CTNNBL1: variants seen among roughly 807,000 people sequenced by gnomAD.
CTNNBL1 encodes beta-catenin-like protein 1.
In CTNNBL1, 31 loss-of-function variants were observed where a neutral mutation model predicts 72.7. The observed-to-expected ratio is 0.43, with a 90% CI of 0.32 to 0.58. The LOEUF is 0.58. Ranked by LOEUF, CTNNBL1 falls within the 20% of genes least tolerant of loss-of-function variation. The probability of loss-of-function intolerance (pLI) is 0.08; values close to 1 mark genes in which losing one functional copy is unlikely to be tolerated. For missense variants in CTNNBL1, 534 were observed against 725.1 expected (o/e 0.74, Z 3.03); for synonymous variants, 240 against 267.3 (o/e 0.90, Z 1.00).
intron 2 of CTNNBL1, among the ~76,000 whole-genome samples, chr20:37,736,382 GT>G (rs1354205927): frequency 2.0e-5 from 3 of 152,130 alleles, no homozygotes; most frequent in Non-Finnish European, 2.9e-5. Flanking sequence ...CTGACTCAGA[GT>G]TTGACCTTAA....
intron 13 of CTNNBL1, among the ~76,000 whole-genome samples, chr20:37,844,899 G>C (rs2072334700): frequency 6.6e-6 from 1 of 152,162 alleles, no homozygotes; most frequent in African/African-American, 2.4e-5. Flanking sequence ...AACAAGCCGA[G>C]ATTGTGCCAC....
At chr20:37,806,001 C>T (rs757034587) in intron 11 of CTNNBL1, among the ~76,000 whole-genome samples, 6 of 152,216 alleles carry the variant, frequency 3.9e-5, no homozygotes, top group South Asian at 2.1e-4. Context: ...GAAGTCAATA[C>T]AGTTGATTTC....
intron 7 of CTNNBL1, among the ~76,000 whole-genome samples, chr20:37,773,262 A>G (rs1453756603): frequency 2.6e-5 from 4 of 152,208 alleles, no homozygotes; most frequent in Non-Finnish European, 5.9e-5. Flanking sequence ...AGCTGTAGAT[A>G]TGTCTGAACC....
intron 7 of CTNNBL1, among the ~76,000 whole-genome samples, chr20:37,770,372 G>A (rs1349849542): frequency 3.9e-5 from 6 of 152,226 alleles, no homozygotes; most frequent in Non-Finnish European, 7.3e-5. Context: ...AGGGGATGGC[G>A]TAGATGTCAG....
intron 1 of CTNNBL1, among the ~76,000 whole-genome samples, chr20:37,709,483 C>T (rs1035659547): frequency 6.6e-6 from 1 of 152,180 alleles, no homozygotes; most frequent in Non-Finnish European, 1.5e-5. Flanking sequence ...TTCTTTGCAG[C>T]TTTGTATAAA....
intron 15 of CTNNBL1, among the ~76,000 whole-genome samples, chr20:37,863,983 G>T (rs947602203): frequency 8.5e-5 from 13 of 152,216 alleles, no homozygotes; most frequent in African/African-American, 2.7e-4. Context: ...GTCTGCAGCA[G>T]GGTGTGGAGC....
intron 7 of CTNNBL1, among the ~76,000 whole-genome samples, chr20:37,774,099 A>C (rs985567176): frequency 2.6e-5 from 4 of 151,358 alleles, no homozygotes; most frequent in African/African-American, 7.3e-5. Flanking sequence ...TTTTTTGTAG[A>C]GATGAGGTCT....
chr20:37,750,246 C>G (rs2073306434), intron 4 of CTNNBL1: 1 of 152,178 alleles, frequency 6.6e-6, no homozygotes, highest in South Asian at 2.1e-4. Context: ...CTCATCTGCC[C>G]CCTTGAGAGG....
At chr20:37,838,432 T>G (rs1459088248) in intron 11 of CTNNBL1, among the ~76,000 whole-genome samples, 1 of 152,158 alleles carries the variant, frequency 6.6e-6, no homozygotes, top group Non-Finnish European at 1.5e-5. Context: ...AAGGTAAAGC[T>G]GATGAGGTTT....
At chr20:37,862,115 G>T (rs1270253957) in intron 15 of CTNNBL1, among the ~76,000 whole-genome samples, 2 of 54,208 alleles carry the variant, frequency 3.7e-5, no homozygotes, top group South Asian at 8.2e-4. Flanking sequence ...GAGTAAAGGG[G>T]TCTGATGGAC....
chr20:37,872,037 T>C lies in CTNNBL1; in HGVS notation c.*24T>C, dbSNP rs1229071742. The C allele has an allele frequency of 1.3e-6, 2 of 1,583,060 alleles. No homozygotes were observed. Among genetic ancestry groups the C allele is most frequent in the South Asian group, 2.2e-5 (2 of 90,498 alleles). On this transcript the variant is annotated 3_prime_UTR_variant, in exon 16 of 16. Coordinates refer to ENST00000361383, the MANE Select transcript of CTNNBL1 (RefSeq NM_030877.5). ...AGAGGCACCTTGGCCCTGCGCATCA[T>C]GGACTCTCTCAGCTTCCCTCCCAGG...
intron 11 of CTNNBL1, among the ~76,000 whole-genome samples, chr20:37,814,427 A>G (rs567559081): frequency 1.3e-5 from 2 of 152,024 alleles, no homozygotes; most frequent in Admixed American, 6.6e-5. Context: ...CACTCTTCTC[A>G]TGGTTTTCCA....
intron 10 of CTNNBL1, among the ~76,000 whole-genome samples, chr20:37,790,111 TAAAG>T: frequency 6.6e-6 from 1 of 152,310 alleles, no homozygotes. Flanking sequence ...ATGTCTCTGA[TAAAG>T]AAAACAAATA....
At chr20:37,816,235 A>G (rs2072057619) in intron 11 of CTNNBL1, among the ~76,000 whole-genome samples, 1 of 152,190 alleles carries the variant, frequency 6.6e-6, no homozygotes, top group Non-Finnish European at 1.5e-5. Context: ...TTTTAGGAGC[A>G]GTCTATTAAA....
intron 11 of CTNNBL1, among the ~76,000 whole-genome samples, chr20:37,835,984 T>C (rs2072250177): frequency 6.6e-6 from 1 of 152,212 alleles, no homozygotes. Context: ...GGAAAAGAAA[T>C]ATATTAGTAT....
intron 11 of CTNNBL1, among the ~76,000 whole-genome samples, chr20:37,829,920 C>T (rs1208857834): frequency 6.6e-6 from 1 of 152,154 alleles, no homozygotes; most frequent in African/African-American, 2.4e-5. Context: ...CAGCCTTGAC[C>T]TCCTGGGCTC....
chr20:37,826,230 C>G (rs1321682296), intron 11 of CTNNBL1, among the ~76,000 whole-genome samples: 1 of 152,204 alleles, frequency 6.6e-6, no homozygotes, highest in African/African-American at 2.4e-5. Context: ...GCACATTTTC[C>G]CACAGATACA....
intron 13 of CTNNBL1, among the ~76,000 whole-genome samples, chr20:37,846,626 C>A (rs373164983): frequency 6.6e-6 from 1 of 152,026 alleles, no homozygotes; most frequent in Admixed American, 6.6e-5. Context: ...GTCCCCCTGC[C>A]CCGCCCCCGC....
At chr20:37,728,384 A>G (rs1407840899) in intron 1 of CTNNBL1, among the ~76,000 whole-genome samples, 1 of 152,236 alleles carries the variant, frequency 6.6e-6, no homozygotes, top group Non-Finnish European at 1.5e-5. Context: ...AAAAATTTAA[A>G]TTACATCTGT....
Sources: gnomAD v4.1 joint callset for allele counts (sites outside exome capture counted in the v4.1 genomes callset) on GRCh38, gnomAD v4.1.1 for gene constraint, MANE v1.5 for transcripts, NCBI Gene and HGNC (gene_info 2026-07-23, HGNC 2026-07-21) for gene names.